RGR: variants seen among roughly 807,000 people sequenced by gnomAD.
RGR encodes the protein retinal G protein coupled receptor, also known as RPE-retinal G protein-coupled receptor.
RGR carries 30 observed loss-of-function variants against 28.6 expected under a neutral mutation model. The ratio of observed to expected loss-of-function variants is 1.05; its 90% CI spans 0.78 to 1.42. RGR has a LOEUF of 1.42. Ranked by LOEUF, RGR falls within the 40% of genes most tolerant of loss-of-function variation. RGR has a pLI of 0.00. For missense variants in RGR, 404 were observed against 375.6 expected (o/e 1.08, Z -0.62); for synonymous variants, 180 against 156.4 (o/e 1.15, Z -1.13).
In RGR at chr10:84,257,345, GTGGAT is replaced by G. The variant is rs578135472; in HGVS notation, c.631-547_631-543del. 3.6e-3 allele frequency among the ~76,000 whole-genome samples: 542 copies of G among 152,356 alleles called. 4 individuals are homozygous for G. Among genetic ancestry groups the G allele is most frequent in the African/African-American group, 0.012 (519 of 41,584 alleles). Reference sequence around the variant, plus strand: ...GTGGTCTCGCCGGGTGGCTGTAGCTGTGGATGACGAGTTGGTTCTAGGACTGAGGC... The same window carrying G: ...GTGGTCTCGCCGGGTGGCTGTAGCTGGACGAGTTGGTTCTAGGACTGAGGC... On this transcript the variant is annotated intron_variant, in intron 5 of 6. Transcript: ENST00000652092.
chr10:84,250,524 A>ACACACACG, intron 3 of RGR: 1 of 437,760 alleles, frequency 2.3e-6, no homozygotes, highest in Non-Finnish European at 4.0e-6. Context: ...TTATACACAC[A>ACACACACG]CACACACACA....
chr10:84,250,634 C>T (rs904057657), intron 3 of RGR: 1 of 592,084 alleles, frequency 1.7e-6, no homozygotes, highest in Non-Finnish European at 3.1e-6. Context: ...TAGATCAAAG[C>T]CCTTTCTATA....
chr10:84,245,574 T>C (rs1842737650), intron 1 of RGR, among the ~76,000 whole-genome samples: 1 of 152,188 alleles, frequency 6.6e-6, no homozygotes, highest in African/African-American at 2.4e-5. Context: ...CAGCTCTGCC[T>C]CCTGCTCTTG....
intron 6 of RGR, 137 bp downstream of exon 6, chr10:84,258,143 G>T (rs746314199): frequency 2.4e-4 from 208 of 862,882 alleles, no homozygotes; most frequent in Non-Finnish European, 3.5e-4. Flanking sequence ...TACTCACAAG[G>T]CATAGAGCAT....
chr10:84,247,599 G>T lies in RGR; in HGVS notation c.88G>T (p.Gly30Cys). ...CCCACCCTTCCTTTCAGCTCTCTCC[G>T]GTCTCAGCCTCAATACCCTGACCAT... ...GMVLLVEALS[G>C]LSLNTLTIFS... Residue 30 changes from glycine to cysteine, a missense_variant, in exon 2 of 7, where the codon GGT becomes TGT. Coordinates refer to ENST00000652092, the MANE Select transcript of RGR (RefSeq NM_001012720.2). 1 of 1,614,010 alleles carries T rather than the reference G, an allele frequency of 6.2e-7. No homozygotes were observed. Among genetic ancestry groups the T allele is most frequent in the Middle Eastern group, 1.6e-4 (1 of 6,062 alleles).
chr10:84,245,497 C>T (rs541213112), intron 1 of RGR, among the ~76,000 whole-genome samples: 6 of 152,236 alleles, frequency 3.9e-5, no homozygotes, highest in African/African-American at 1.2e-4. Context: ...AAAATTTAAT[C>T]CACTCCTTGG....
intron 3 of RGR, among the ~76,000 whole-genome samples, chr10:84,251,688 C>T (rs558737138): frequency 1.4e-4 from 21 of 152,292 alleles, no homozygotes; most frequent in African/African-American, 4.8e-4. Flanking sequence ...GGACTACTGG[C>T]GCATGCAGCA....
chr10:84,251,104 A>G (rs1358567868), intron 3 of RGR, among the ~76,000 whole-genome samples: 3 of 151,822 alleles, frequency 2.0e-5, no homozygotes, highest in Admixed American at 2.0e-4. Flanking sequence ...GCATGGTGGC[A>G]TGAGCTTGTA....
chr10:84,252,732 T>A, intron 3 of RGR, 125 bp from the exon 4 acceptor site: 1 of 1,242,608 alleles, frequency 8.0e-7, no homozygotes, highest in Non-Finnish European at 1.2e-6. Flanking sequence ...ATCCCAGCAC[T>A]TTGGGAGACT....
chr10:84,252,446 T>C (rs141753877), intron 3 of RGR, among the ~76,000 whole-genome samples: 128 of 152,338 alleles, frequency 8.4e-4, no homozygotes, highest in Non-Finnish European at 1.7e-3. Flanking sequence ...GAAGATGGTA[T>C]AGTGTGTCTA....
rs770919166 is a variant in RGR at position 84,254,313 on chromosome 10, G to A, written c.513-13G>A. 2.0e-5 allele frequency: 33 copies of A among 1,611,506 alleles called. No homozygotes were observed. Among genetic ancestry groups the A allele is most frequent in the South Asian group, 5.5e-5 (5 of 91,030 alleles). On this transcript the variant is annotated splice_polypyrimidine_tract_variant and intron_variant, in intron 4 of 6. Transcript: ENST00000652092. ...GAGAGCTAACCCCAATCCTCCACCC[G>A]CTCTCCCTGTAGAAACTTCACCAGC...
chr10:84,250,324 C>T, intron 3 of RGR: 1 of 716,954 alleles, frequency 1.4e-6, no homozygotes, highest in Non-Finnish European at 2.6e-6. Flanking sequence ...ACATGTATAG[C>T]CCCCTTCCCT....
chr10:84,257,111 A>C (rs1380260534), intron 5 of RGR, among the ~76,000 whole-genome samples: 1 of 152,218 alleles, frequency 6.6e-6, no homozygotes, highest in Non-Finnish European at 1.5e-5. Context: ...TGTTAAAGAA[A>C]GTCAGGTCAG....
rs1479370971 is a variant in RGR, at chr10:84,259,083, C to T, written c.*444C>T. 31 of 201,844 alleles carry T rather than the reference C, an allele frequency of 1.5e-4. No individual in the cohort carries two copies. Among genetic ancestry groups the T allele is most frequent in the Admixed American group, 7.3e-4 (14 of 19,112 alleles). The allele number at this position is 201,844 out of a possible 1,614,324, so 12.5% of individuals were successfully genotyped here. On this transcript the variant is annotated 3_prime_UTR_variant, in exon 7 of 7. Coordinates refer to ENST00000652092, the MANE Select transcript of RGR (RefSeq NM_001012720.2). ...TCTATTATTCCACACTCCATGTCCACGTGTACACATTATTTAGCTCCCACT... is the reference window on the plus strand; with the variant it reads ...TCTATTATTCCACACTCCATGTCCATGTGTACACATTATTTAGCTCCCACT...
rs993570706 is a variant in RGR at position 84,259,417 on chromosome 10, T to C, written c.*778T>C. On this transcript the variant is annotated 3_prime_UTR_variant, in exon 7 of 7. Transcript: ENST00000652092. ...GGGTAGATACCAGTAGTAGGACTGC[T>C]GGATCAAATGGTAGCTCTATTTTTA... 2.0e-5 allele frequency: 3 copies of C among 152,316 alleles called. No homozygotes were observed. Among genetic ancestry groups the C allele is most frequent in the African/African-American group, 7.2e-5 (3 of 41,454 alleles). 9.4% of individuals were successfully genotyped at this position (152,316 alleles called of 1,614,324 possible). A position where few individuals can be genotyped will look rare whatever the true frequency, so the allele number is the denominator to read the frequency against.
chr10:84,248,813 C>T, intron 2 of RGR, 109 bp from the exon 3 acceptor site: 2 of 1,586,750 alleles, frequency 1.3e-6, no homozygotes, highest in South Asian at 1.1e-5. Context: ...AGGCCCTCTT[C>T]AGAGAAGAAG....
Position 84,258,022 on chromosome 10 carries a change from G to A in RGR, c.744+16G>A, listed in dbSNP as rs758455051. 28 of 1,604,386 alleles carry A rather than the reference G, an allele frequency of 1.7e-5. No homozygotes were observed. Among genetic ancestry groups the A allele is most frequent in the Non-Finnish European group, 2.3e-5 (27 of 1,171,348 alleles). ...ACTGCAGATGGTACAGATACTTCTAGTACCTAAAACTAGACCCCTCTCCAT... is the reference window on the plus strand; with the variant it reads ...ACTGCAGATGGTACAGATACTTCTAATACCTAAAACTAGACCCCTCTCCAT... On this transcript the variant is annotated intron_variant, in intron 6 of 6. Coordinates refer to ENST00000652092, the MANE Select transcript of RGR (RefSeq NM_001012720.2).
intron 1 of RGR, among the ~76,000 whole-genome samples, chr10:84,246,390 TC>T (rs567966637): frequency 6.8e-4 from 103 of 152,184 alleles, no homozygotes; most frequent in African/African-American, 2.4e-3. Context: ...CTCCCACCCT[TC>T]CCCTTCTGAG....
intron 2 of RGR, 150 bp from the exon 3 acceptor site, chr10:84,248,772 C>A (rs999566037): frequency 6.2e-6 from 9 of 1,444,564 alleles, no homozygotes; most frequent in Non-Finnish European, 8.6e-6. Flanking sequence ...TACTTGAGCT[C>A]CAACGCCTCA....
Sources: allele counts gnomAD v4.1 joint callset (sites outside exome capture counted in the v4.1 genomes callset), GRCh38; gene constraint gnomAD v4.1.1; transcripts MANE v1.5; gene names NCBI Gene and HGNC (gene_info 2026-07-23, HGNC 2026-07-21).